ALK: variants seen among roughly 807,000 people sequenced by gnomAD.
ALK encodes the protein ALK receptor tyrosine kinase.
A neutral mutation model predicts 163.1 loss-of-function variants in ALK; 74 were observed. The observed-to-expected ratio is 0.45, with a 90% CI of 0.38 to 0.55. The LOEUF is 0.55. Ranked by LOEUF, ALK falls within the 20% of genes least tolerant of loss-of-function variation. ALK has a pLI of 0.00. For missense variants in ALK, 2,063 were observed against 2,105.3 expected (o/e 0.98, Z 0.39); for synonymous variants, 960 against 843.2 (o/e 1.14, Z -2.40).
At chr2:29,690,633 A>G (rs1678368908) in intron 3 of ALK, among the ~76,000 whole-genome samples, 1 of 152,186 alleles carries the variant, frequency 6.6e-6, no homozygotes, top group Non-Finnish European at 1.5e-5. Flanking sequence ...AGATTTTAGT[A>G]ATTTATAATA....
chr2:29,470,509 AC>A (rs1334834934), intron 4 of ALK, among the ~76,000 whole-genome samples: 1 of 152,222 alleles, frequency 6.6e-6, no homozygotes, highest in East Asian at 1.9e-4. Context: ...TTACCTCCAA[AC>A]AAGCATTGAT....
intron 9 of ALK, among the ~76,000 whole-genome samples, chr2:29,287,165 C>T (rs1361551758): frequency 2.6e-5 from 4 of 152,170 alleles, no homozygotes; most frequent in Non-Finnish European, 1.5e-5. Flanking sequence ...TTCCAAGTCA[C>T]ATTTAATGTT....
chr2:29,771,679 C>T lies in ALK; in HGVS notation c.668-53982G>A, dbSNP rs1038534091. On this transcript the variant is annotated intron_variant, in intron 1 of 28. Coordinates refer to ENST00000389048, the MANE Select transcript of ALK (RefSeq NM_004304.5). ...CCTCCCGAGTAGCTGGGACTACAGG[C>T]GCCTGCCACCATGCCCCGCTAATTT... Among the ~76,000 whole-genome samples the T allele has an allele frequency of 5.3e-5, 8 of 152,078 alleles. No homozygotes were observed. The East Asian group carries it at 5.8e-4, about 11-fold the overall frequency.
chr2:29,364,549 C>T (rs1312847400), intron 5 of ALK, among the ~76,000 whole-genome samples: 1 of 152,188 alleles, frequency 6.6e-6, no homozygotes, highest in East Asian at 1.9e-4. Flanking sequence ...TCCTTACATA[C>T]ATCCTGGATT....
chr2:29,469,604 C>T lies in ALK; in HGVS notation c.1154+62311G>A, dbSNP rs1320152313. 2.0e-5 allele frequency among the ~76,000 whole-genome samples: 3 copies of T among 152,168 alleles called. No homozygotes were observed. The East Asian group carries it at 5.8e-4, about 29-fold the overall frequency. ...CTCTCTTAATGGCACCATCCCCCTC[C>T]TTGACATTGAAGTTCCCAGCCACAA... On this transcript the variant is annotated intron_variant, in intron 4 of 28. Transcript: ENST00000389048.
intron 3 of ALK, among the ~76,000 whole-genome samples, chr2:29,565,028 G>A (rs368028639): frequency 4.4e-4 from 67 of 152,258 alleles, no homozygotes; most frequent in African/African-American, 1.6e-3. Context: ...AAATAATATC[G>A]ACAATAACCA....
rs1272214012 is a variant in ALK, at chr2:29,920,647, C to T, written c.13G>A (p.Gly5Arg). MGAI[G>R]LLWLLPLLLS... ...AGCAGCGGCAGGAGCCACAGGAGCC[C>T]GATGGCTCCCATCCCGCCGGAGGAG... Residue 5 changes from glycine to arginine, a missense_variant, in exon 1 of 29, where the codon GGG (glycine) becomes AGG (arginine). Gly to Arg is a moderately radical substitution (Grantham distance 125). Coordinates refer to ENST00000389048, the MANE Select transcript of ALK (RefSeq NM_004304.5). 3.4e-5 allele frequency: 52 copies of T among 1,537,514 alleles called. No homozygotes were observed. The highest frequency in any genetic ancestry group is 4.5e-5 in the Non-Finnish European group (52 of 1,148,928).
At chr2:29,225,387 G>T (rs2148176113) in intron 19 of ALK, 74 bp downstream of exon 19, 1 of 1,341,178 alleles carries the variant, frequency 7.5e-7, no homozygotes, top group Non-Finnish European at 1.1e-6. Context: ...CTTGGCACCT[G>T]TGGCACAGCC....
intron 1 of ALK, among the ~76,000 whole-genome samples, chr2:29,836,049 A>G (rs1249298085): frequency 6.6e-6 from 1 of 151,976 alleles, no homozygotes. Context: ...CAGCATGACA[A>G]ATGAGGGGGT....
chr2:29,620,886 A>G lies in ALK; in HGVS notation c.952+73964T>C, dbSNP rs1676015882. Among the ~76,000 whole-genome samples, 4 of 152,232 alleles carry G rather than the reference A, an allele frequency of 2.6e-5. No individual in the cohort carries two copies. In the South Asian group the frequency reaches 8.3e-4, roughly 32 times the overall value. ...CTTTACAAATCCCCTGTGAAGTAGT[A>G]TTATTAAAGAGCAAACTGACAATTG... On this transcript the variant is annotated intron_variant, in intron 3 of 28. Transcript: ENST00000389048.
At chr2:29,220,669 G>A (rs753205126) in intron 23 of ALK, 37 bp downstream of exon 23, 1 of 1,612,656 alleles carries the variant, frequency 6.2e-7, no homozygotes, top group Non-Finnish European at 8.5e-7. Context: ...TCCTGTCCTT[G>A]GCACAACAAC....
chr2:29,328,408 C>T lies in ALK; in HGVS notation c.1356G>A (p.Gly452=), dbSNP rs767578442. The change falls in exon 6 of 29, where the codon GGG becomes GGA. Residue 452 remains glycine, a synonymous_variant. Coordinates refer to ENST00000389048, the MANE Select transcript of ALK (RefSeq NM_004304.5). ...TCWNGTVLQL[G]QACDFHQDCA... ...AGTCCTGGTGGAAGTCACAGGCCTG[C>T]CCAAGCTGGAGGACTGTCCCATTCC... 2.5e-6 allele frequency: 4 copies of T among 1,614,056 alleles called. No homozygotes were observed. Among genetic ancestry groups the T allele is most frequent in the Admixed American group, 3.3e-5 (2 of 60,000 alleles).
At chr2:29,819,521 G>A (rs1176176531) in intron 1 of ALK, among the ~76,000 whole-genome samples, 4 of 152,242 alleles carry the variant, frequency 2.6e-5, no homozygotes, top group East Asian at 1.9e-4. Context: ...ATGACTGGGC[G>A]ATGCCCTGGA....
chr2:29,549,161 C>CAT (rs397956669), intron 3 of ALK, among the ~76,000 whole-genome samples: 2 of 147,956 alleles, frequency 1.4e-5, no homozygotes, highest in East Asian at 1.9e-4. Flanking sequence ...CACACACACA[C>CAT]GCACACACAC....
chr2:29,905,507 T>C (rs556962504), intron 1 of ALK, among the ~76,000 whole-genome samples: 6 of 149,734 alleles, frequency 4.0e-5, no homozygotes, highest in African/African-American at 1.5e-4. Context: ...AGATTAATAC[T>C]ATGAAAGAAA....
chr2:29,585,945 A>C (rs1348875765), intron 3 of ALK, among the ~76,000 whole-genome samples: 1 of 152,120 alleles, frequency 6.6e-6, no homozygotes, highest in Admixed American at 6.5e-5. Flanking sequence ...AATACATAAC[A>C]TTTTTAATAC....
intron 1 of ALK, among the ~76,000 whole-genome samples, chr2:29,769,399 C>T (rs1260578706): frequency 1.3e-5 from 2 of 152,304 alleles, no homozygotes; most frequent in Non-Finnish European, 2.9e-5. Context: ...CTCACGATTA[C>T]AGCCATCACT....
At chr2:29,712,717 G>T (rs933492590) in intron 2 of ALK, among the ~76,000 whole-genome samples, 2 of 152,078 alleles carry the variant, frequency 1.3e-5, no homozygotes, top group African/African-American at 4.8e-5. Context: ...CAGTGGCAGG[G>T]AAAGTAATTA....
chr2:29,687,983 C>A (rs952997518), intron 3 of ALK, among the ~76,000 whole-genome samples: 1 of 152,180 alleles, frequency 6.6e-6, no homozygotes, highest in Admixed American at 6.6e-5. Flanking sequence ...TGGTTGCAGC[C>A]TGCATCTTAG....
Sources: gnomAD v4.1 joint callset for allele counts (sites outside exome capture counted in the v4.1 genomes callset) on GRCh38, gnomAD v4.1.1 for gene constraint, MANE v1.5 for transcripts, NCBI Gene and HGNC (gene_info 2026-07-23, HGNC 2026-07-21) for gene names.